The following SLC8A3 variants were observed in gnomAD, a reference collection of about 807,000 sequenced individuals.
SLC8A3 encodes sodium/calcium exchanger 3.
In SLC8A3, 37 loss-of-function variants were observed where a neutral mutation model predicts 65.4. The ratio of observed to expected loss-of-function variants is 0.57; its 90% CI spans 0.44 to 0.74. The LOEUF (loss-of-function observed/expected upper bound fraction) is 0.74, where lower values mean the gene tolerates loss of function less well. Among genes scored for constraint, SLC8A3 ranks in the 30% least tolerant of loss-of-function variants. The pLI, the probability that SLC8A3 is intolerant of heterozygous loss-of-function variation, is 0.00. For synonymous variants in SLC8A3, 461 were observed against 444.5 expected (o/e 1.04, Z -0.47); for missense variants, 1,112 against 1,172.1 (o/e 0.95, Z 0.75).
At chr14:70,131,517 A>G (rs968438487) in intron 2 of SLC8A3, among the ~76,000 whole-genome samples, 2 of 152,206 alleles carry the variant, frequency 1.3e-5, no homozygotes, top group Non-Finnish European at 2.9e-5. Flanking sequence ...GAGCTGGAGG[A>G]GGACACAGGT....
At chr14:70,072,467 G>T (rs1203494023) in intron 2 of SLC8A3, among the ~76,000 whole-genome samples, 1 of 151,958 alleles carries the variant, frequency 6.6e-6, no homozygotes, top group Admixed American at 6.6e-5. Context: ...TTGTAGGGTA[G>T]CTCTACAGGG....
intron 2 of SLC8A3, among the ~76,000 whole-genome samples, chr14:70,076,293 GT>G (rs1890513635): frequency 6.6e-6 from 1 of 152,088 alleles, no homozygotes. Context: ...CATCATATCT[GT>G]TTCCCTTTAT....
intron 2 of SLC8A3, among the ~76,000 whole-genome samples, chr14:70,075,452 T>C (rs2139952717): frequency 6.6e-6 from 1 of 152,328 alleles, no homozygotes; most frequent in Middle Eastern, 3.4e-3. Flanking sequence ...TTTGAGGACA[T>C]TGCCTTTGAA....
intron 2 of SLC8A3, among the ~76,000 whole-genome samples, chr14:70,117,742 C>A (rs575784755): frequency 1.3e-5 from 2 of 152,246 alleles, no homozygotes; most frequent in African/African-American, 4.8e-5. Flanking sequence ...ATCAACCAAT[C>A]CAAAACCTAC....
chr14:70,155,672 T>C lies in SLC8A3; in HGVS notation c.1784+10967A>G, dbSNP rs140471259. On this transcript the variant is annotated intron_variant, in intron 2 of 6. Coordinates refer to ENST00000356921, the MANE Select transcript of SLC8A3 (RefSeq NM_182932.3). ...TATTATGTAAGAAACATAACAACAA[T>C]AGTAAGCTTTCTCAGAGGCCTGAAT... Among the ~76,000 whole-genome samples, 195 of 152,316 alleles carry C rather than the reference T, an allele frequency of 1.3e-3. 2 individuals carry two copies. The highest frequency in any genetic ancestry group is 4.5e-3 in the African/African-American group (187 of 41,580).
At chr14:70,150,398 C>T (rs1896195095) in intron 2 of SLC8A3, among the ~76,000 whole-genome samples, 1 of 152,152 alleles carries the variant, frequency 6.6e-6, no homozygotes. Context: ...CTCTATTACC[C>T]CCTGTGTATA....
rs573647361 is a variant in SLC8A3 at position 70,170,075 on chromosome 14, C to G, written c.-62-1591G>C. 5.9e-5 allele frequency among the ~76,000 whole-genome samples: 9 copies of G among 152,258 alleles called. No individual in the cohort carries two copies. The South Asian group carries it at 1.9e-3, about 32-fold the overall frequency. ...TCTCACTAGTTCTCAATTCCACTTT[C>G]CTCATATAGCCACCGTAATCTTTTT... On this transcript the variant is annotated intron_variant, in intron 1 of 6. Transcript: ENST00000356921.
At chr14:70,056,658 G>C (rs1425009325) in intron 3 of SLC8A3, among the ~76,000 whole-genome samples, 1 of 152,154 alleles carries the variant, frequency 6.6e-6, no homozygotes, top group Admixed American at 6.5e-5. Context: ...AGATCTCATA[G>C]ATCTCTGGTT....
intron 2 of SLC8A3, among the ~76,000 whole-genome samples, chr14:70,097,286 T>A (rs1258207398): frequency 1.4e-5 from 2 of 145,758 alleles, no homozygotes; most frequent in African/African-American, 2.5e-5. Flanking sequence ...CATTTTCCTT[T>A]AAAAAAAAAA....
rs1403864251 is a variant in SLC8A3 at position 70,063,697 on chromosome 14, G to A, written c.1785-2758C>T. The A allele has an allele frequency of 2.4e-5, 15 of 628,318 alleles. No homozygotes were observed. The East Asian group carries it at 3.0e-4, about 12-fold the overall frequency. 38.9% of individuals were successfully genotyped at this position (628,318 alleles called of 1,614,324 possible). A position where few individuals can be genotyped will look rare whatever the true frequency, so the allele number is the denominator to read the frequency against. On this transcript the variant is annotated intron_variant, in intron 2 of 6. Coordinates refer to ENST00000356921, the MANE Select transcript of SLC8A3 (RefSeq NM_182932.3). ...AGAGAGCAGGAGAGAGAGCAAGAGA[G>A]GAGACAAGGGAAAGGGAACCAGAGA...
At chr14:70,175,981 C>T (rs1897885012) in intron 1 of SLC8A3, among the ~76,000 whole-genome samples, 2 of 152,100 alleles carry the variant, frequency 1.3e-5, no homozygotes, top group South Asian at 4.1e-4. Context: ...GTGATCCGCC[C>T]ACCTCACCCT....
At chr14:70,055,712 A>G (rs759342322) in intron 3 of SLC8A3, 101 of 1,174,400 alleles carry the variant, frequency 8.6e-5, no homozygotes, top group Non-Finnish European at 1.1e-4. Context: ...TTCTTATTCA[A>G]TAAATCAAAG....
chr14:70,163,199 T>C (rs890369137), intron 2 of SLC8A3, among the ~76,000 whole-genome samples: 2 of 152,262 alleles, frequency 1.3e-5, no homozygotes, highest in Non-Finnish European at 2.9e-5. Context: ...TTATATTTAG[T>C]ATTCCCTTGA....
chr14:70,101,395 C>T (rs1268992058), intron 2 of SLC8A3, among the ~76,000 whole-genome samples: 1 of 151,364 alleles, frequency 6.6e-6, no homozygotes, highest in Non-Finnish European at 1.5e-5. Context: ...GAAAGAAGAA[C>T]GTGTGAAAAA....
intron 2 of SLC8A3, among the ~76,000 whole-genome samples, chr14:70,152,460 C>T (rs777656895): frequency 1.3e-5 from 2 of 151,984 alleles, no homozygotes; most frequent in Non-Finnish European, 2.9e-5. Context: ...CTTATACCCT[C>T]TCCCCACAAG....
chr14:70,049,965 C>T (rs1157172549), intron 5 of SLC8A3, among the ~76,000 whole-genome samples: 5 of 152,234 alleles, frequency 3.3e-5, no homozygotes, highest in Non-Finnish European at 7.3e-5. Flanking sequence ...CTGAGGCATG[C>T]CTGTGCCTTG....
intron 2 of SLC8A3, among the ~76,000 whole-genome samples, chr14:70,069,789 G>A (rs1018228796): frequency 2.6e-5 from 4 of 152,206 alleles, no homozygotes; most frequent in African/African-American, 9.7e-5. Context: ...TTTAAAATAA[G>A]TGTGTCATCT....
intron 2 of SLC8A3, among the ~76,000 whole-genome samples, chr14:70,070,998 A>T (rs918440693): frequency 1.3e-5 from 2 of 152,214 alleles, no homozygotes; most frequent in African/African-American, 4.8e-5. Flanking sequence ...CTGGTATACC[A>T]CTGACAGTGT....
At chr14:70,187,070 C>T (rs1045325745) in intron 1 of SLC8A3, 2 of 152,320 alleles carry the variant, frequency 1.3e-5, no homozygotes, top group Non-Finnish European at 2.9e-5. Context: ...TATCACGTAC[C>T]CACATTCCAC....
Sources: allele counts gnomAD v4.1 joint callset (sites outside exome capture counted in the v4.1 genomes callset), GRCh38; gene constraint gnomAD v4.1.1; transcripts MANE v1.5; gene names NCBI Gene and HGNC (gene_info 2026-07-23, HGNC 2026-07-21).